CYLD: variants seen among roughly 807,000 people sequenced by gnomAD.
The protein encoded by CYLD is CYLD lysine 63 deubiquitinase.
Under a neutral mutation model 104.5 loss-of-function variants are expected in CYLD, and 26 were observed. The observed-to-expected ratio is 0.25, with a 90% CI of 0.18 to 0.35. The LOEUF is 0.35. Ranked by LOEUF, CYLD falls within the 10% of genes least tolerant of loss-of-function variation. CYLD has a pLI of 1.00. For synonymous variants in CYLD, 385 were observed against 399.9 expected (o/e 0.96, Z 0.45); for missense variants, 703 against 1,136.1 (o/e 0.62, Z 5.48).
chr16:50,768,177 A>G (rs1968727810), intron 5 of CYLD, among the ~76,000 whole-genome samples: 1 of 152,184 alleles, frequency 6.6e-6, no homozygotes, highest in Admixed American at 6.5e-5. Flanking sequence ...GGAGATAATT[A>G]AGAATGATAC....
At chr16:50,775,019 C>T (rs1969527234) in intron 5 of CYLD, 147 bp from the exon 6 acceptor site, 2 of 623,186 alleles carry the variant, frequency 3.2e-6, no homozygotes, top group African/African-American at 1.8e-5. Flanking sequence ...AAAAAAGTTA[C>T]CAAGTATTTA....
At chr16:50,742,172 G>C (rs1399343195) in intron 1 of CYLD, 48 bp downstream of exon 1, 1 of 151,858 alleles carries the variant, frequency 6.6e-6, no homozygotes, top group Non-Finnish European at 1.5e-5. Flanking sequence ...GGCCCGGGAC[G>C]CGGGCTGGGG....
rs143037014 is a variant in CYLD at position 50,748,347 on chromosome 16, G to A, written c.-123-1229G>A. Among the ~76,000 whole-genome samples, 417 of 152,230 alleles carry A rather than the reference G, an allele frequency of 2.7e-3. 5 individuals are homozygous for A. The highest frequency in any genetic ancestry group is 9.4e-3 in the African/African-American group (392 of 41,540). On this transcript the variant is annotated intron_variant, in intron 2 of 18. Transcript: ENST00000427738. ...TAACCATCAGTTAAAATAGGTTTGA[G>A]AATGAGCCTACTTCATTGGAAAGAT... is the stretch of plus-strand genomic sequence containing the variant.
At chr16:50,769,004 T>C (rs1968827791) in intron 5 of CYLD, among the ~76,000 whole-genome samples, 1 of 152,238 alleles carries the variant, frequency 6.6e-6, no homozygotes, top group South Asian at 2.1e-4. Context: ...CTTATTTCAC[T>C]CGACATAATT....
intron 8 of CYLD, among the ~76,000 whole-genome samples, chr16:50,779,045 A>G (rs1178837101): frequency 6.6e-6 from 1 of 151,906 alleles, no homozygotes; most frequent in Non-Finnish European, 1.5e-5. Flanking sequence ...TCTGGCTTTG[A>G]ACTTCTTATT....
In CYLD at chr16:50,751,720, T is replaced by A; in HGVS notation, c.621T>A (p.Asp207Glu). ...TGGACAAGCTAGAACTCATAGAAGA[T>A]GATGACACTGCATTGGAAAGTGATT... ...VALDKLELIEDDDTALESDYA... is the reference protein window; with the variant it reads ...VALDKLELIEEDDTALESDYA... The change falls in exon 4 of 19, where the codon GAT (aspartate) becomes GAA (glutamate). Residue 207 changes from aspartate to glutamate, a missense_variant. Physicochemically the swap from Asp to Glu is conservative, Grantham distance 45. Around this residue, in one of 5 missense-constraint regions of CYLD, gnomAD observed 123 missense variants for 213.3 expected, o/e 0.58. Transcript: ENST00000427738. 6.2e-7 allele frequency: 1 copy of A among 1,613,800 alleles called. No homozygotes were observed. The highest frequency in any genetic ancestry group is 8.5e-7 in the Non-Finnish European group (1 of 1,179,846).
chr16:50,794,062 G>A lies in CYLD; in HGVS notation c.2470-150G>A. 2 of 702,692 alleles carry A rather than the reference G, an allele frequency of 2.8e-6. No individual in the cohort carries two copies. The highest frequency in any genetic ancestry group is 2.5e-6 in the Non-Finnish European group (1 of 400,150). The allele number at this position is 702,692 out of a possible 1,614,324, so 43.5% of individuals were successfully genotyped here. A position where few individuals can be genotyped will look rare whatever the true frequency, so the allele number is the denominator to read the frequency against. On this transcript the variant is annotated intron_variant, in intron 17 of 18. Coordinates refer to ENST00000427738, the MANE Select transcript of CYLD (RefSeq NM_001378743.1). The surrounding 1 kb of genome is among the most constrained non-coding windows in gnomAD (Gnocchi z 4.1). ...CCTGCCTCAGCCTCCCGAGTAGCTG[G>A]GACTGCAGGCGCCTGCCACCACGCC...
chr16:50,761,447 C>T (rs1238429249), intron 5 of CYLD, among the ~76,000 whole-genome samples: 3 of 152,024 alleles, frequency 2.0e-5, no homozygotes, highest in African/African-American at 7.2e-5. Context: ...AGATAGCTGC[C>T]GGTTCCTCTT....
rs6500332 is a variant in CYLD at position 50,779,241 on chromosome 16, T to C, written c.1139-424T>C. Among the ~76,000 whole-genome samples, 151,264 of 152,268 alleles carry C rather than the reference T, an allele frequency of 0.99. 75,134 individuals are homozygous for C. The highest frequency in any genetic ancestry group is 1 in the Middle Eastern group (294 of 294). On this transcript the variant is annotated intron_variant, in intron 8 of 18. Coordinates refer to ENST00000427738, the MANE Select transcript of CYLD (RefSeq NM_001378743.1). ...TTATAAGTATTAATTTAGCCATGTT[T>C]CACAAGGATTCTTTCTTTCTTTGTT...
chr16:50,773,735 A>G (rs189759046), intron 5 of CYLD, among the ~76,000 whole-genome samples: 6 of 152,300 alleles, frequency 3.9e-5, no homozygotes, highest in Admixed American at 1.3e-4. Flanking sequence ...GCTTTGCTTC[A>G]TGACCCAAGT....
intron 14 of CYLD, among the ~76,000 whole-genome samples, chr16:50,789,019 A>G (rs900947860): frequency 2.0e-5 from 3 of 152,210 alleles, no homozygotes; most frequent in Non-Finnish European, 4.4e-5. Context: ...ACTTCAGGAA[A>G]GTGGATTTAG....
intron 13 of CYLD, 122 bp downstream of exon 13, chr16:50,787,068 TA>T: frequency 1.3e-6 from 1 of 785,876 alleles, no homozygotes; most frequent in Admixed American, 2.0e-5. Flanking sequence ...AATTTCTTTT[TA>T]TGTGATATAT....
intron 9 of CYLD, 151 bp from the exon 10 acceptor site, chr16:50,781,095 A>T: frequency 5.0e-6 from 4 of 799,674 alleles, no homozygotes; most frequent in Non-Finnish European, 6.4e-6. Context: ...CTGATTACTC[A>T]ACTCCTTTTT....
Position 50,792,437 on chromosome 16 carries a change from G to A in CYLD, c.2242-160G>A, listed in dbSNP as rs368656359. Among the ~76,000 whole-genome samples the A allele has an allele frequency of 1.1e-4, 16 of 152,256 alleles. No individual in the cohort carries two copies. The East Asian group carries it at 2.5e-3, about 24-fold the overall frequency. On this transcript the variant is annotated intron_variant, in intron 15 of 18. Coordinates refer to ENST00000427738, the MANE Select transcript of CYLD (RefSeq NM_001378743.1). ...ACTTGAAGACTTGTGGCTTATTGGT[G>A]TCCTCTGTCCACAGCCCATGGTCAC...
chr16:50,781,767 GT>G (rs1970237737), intron 10 of CYLD, among the ~76,000 whole-genome samples: 1 of 151,824 alleles, frequency 6.6e-6, no homozygotes, highest in Non-Finnish European at 1.5e-5. Flanking sequence ...GTTTACAGCA[GT>G]GAGTGTATCT....
At chr16:50,745,672 C>G (rs1966130242) in intron 2 of CYLD, among the ~76,000 whole-genome samples, 1 of 152,144 alleles carries the variant, frequency 6.6e-6, no homozygotes, top group Admixed American at 6.5e-5. Flanking sequence ...CCTCCCACTT[C>G]AGCCTCCAAA....
chr16:50,792,745 T>A, intron 16 of CYLD, 40 bp downstream of exon 16: 1 of 1,104,040 alleles, frequency 9.1e-7, no homozygotes, highest in Non-Finnish European at 1.4e-6. Flanking sequence ...GTTGGTTTTG[T>A]GGAAATTGTC....
chr16:50,796,246 A>G, intron 18 of CYLD, 78 bp from the exon 19 acceptor site: 1 of 1,439,830 alleles, frequency 6.9e-7, no homozygotes, highest in Non-Finnish European at 9.7e-7. Flanking sequence ...CTTTTTGGAA[A>G]TGATAGGATT....
intron 5 of CYLD, among the ~76,000 whole-genome samples, chr16:50,755,151 G>A (rs12929234): frequency 0.096 from 3,463 of 36,220 alleles, 142 homozygotes; most frequent in African/African-American, 0.13. Flanking sequence ...ACATATGTGT[G>A]TATATACACA....
Sources: gnomAD v4.1 joint callset for allele counts (sites outside exome capture counted in the v4.1 genomes callset) on GRCh38, gnomAD v4.1.1 for gene constraint, gnomAD v4.1.1 regional missense constraint, Gnocchi (gnomAD v3.1) non-coding constraint, MANE v1.5 for transcripts, NCBI Gene and HGNC (gene_info 2026-07-23, HGNC 2026-07-21) for gene names.